Variants in APOB observed in about 807,000 individuals in gnomAD.
APOB encodes apolipoprotein B-100.
Under a neutral mutation model 314.1 loss-of-function variants are expected in APOB, and 153 were observed. The ratio of observed to expected loss-of-function variants is 0.49; its 90% CI spans 0.43 to 0.56. The LOEUF (loss-of-function observed/expected upper bound fraction) is 0.56, where lower values mean the gene tolerates loss of function less well. Ranked by LOEUF, APOB falls within the 20% of genes least tolerant of loss-of-function variation. The probability of loss-of-function intolerance (pLI) is 0.00; values close to 1 mark genes in which losing one functional copy is unlikely to be tolerated. For missense variants in APOB, 5,430 were observed against 5,350.7 expected (o/e 1.01, Z -0.46); for synonymous variants, 2,087 against 2,036.4 (o/e 1.02, Z -0.67).
Position 21,028,452 on chromosome 2 carries a change from A to T in APOB, c.1704T>A (p.Ser568Arg), listed in dbSNP as rs762218231. The T allele has an allele frequency of 1.2e-6, 2 of 1,613,952 alleles. No homozygotes were observed. The highest frequency in any genetic ancestry group is 2.2e-5 in the East Asian group (1 of 44,876). The stretch of plus-strand genomic sequence containing the variant: ...TTTTGTTAATATCTGCCTGTGAAGG[A>T]CTCCTCATCAACATAAGATAGGCAG... ...RLAAYLMLMR[S>R]PSQADINKIV... The change falls in exon 13 of 29, where the codon AGT (serine) becomes AGA (arginine). Residue 568 changes from serine to arginine, a missense_variant. Transcript: ENST00000233242.
At position 21,007,656 on chromosome 2, in the gene APOB, A is replaced by G; in HGVS notation, c.9212T>C (p.Leu3071Pro). ...ACTCAGAAACAGTGCATAGTTATTCAGGAAGTCTATCTTCCCTGTTAACCT... is the reference window on the plus strand; with the variant it reads ...ACTCAGAAACAGTGCATAGTTATTCGGGAAGTCTATCTTCCCTGTTAACCT... ...PLRLTGKIDF[L>P]NNYALFLSPS... The change falls in exon 26 of 29, where the codon CTG (leucine) becomes CCG (proline). Residue 3071 changes from leucine to proline, a missense_variant. Physicochemically the swap from Leu to Pro is moderately conservative, Grantham distance 98 (BLOSUM62 -3). This residue lies in a region of APOB where 3,281 missense variants were observed against 3,171.0 expected (regional missense o/e 1.03). Coordinates refer to ENST00000233242, the MANE Select transcript of APOB (RefSeq NM_000384.3). The G allele has an allele frequency of 6.2e-7, 1 of 1,614,096 alleles. No individual in the cohort carries two copies. The highest frequency in any genetic ancestry group is 8.5e-7 in the Non-Finnish European group (1 of 1,179,962).
intron 21 of APOB, 101 bp from the exon 22 acceptor site, chr2:21,015,646 C>T: frequency 7.8e-7 from 1 of 1,281,662 alleles, no homozygotes; most frequent in East Asian, 2.4e-5. Context: ...AAACCAGATA[C>T]AAGGATGGTT....
At position 21,001,766 on chromosome 2, in the gene APOB, C is replaced by T; in HGVS notation, c.13656G>A (p.Met4552Ile). 6.2e-7 allele frequency: 1 copy of T among 1,613,940 alleles called. No individual in the cohort carries two copies. The highest frequency in any genetic ancestry group is 8.5e-7 in the Non-Finnish European group (1 of 1,179,918). ...LQSTTVMNPY[M>I]KLAPGELTII... Reference sequence around the variant, plus strand: ...TAGTAAGTTCTCCTGGAGCAAGCTTCATGTAGGGGTTCATGACTGTGGTTG... The same window carrying T: ...TAGTAAGTTCTCCTGGAGCAAGCTTTATGTAGGGGTTCATGACTGTGGTTG... Residue 4552 changes from methionine (M) to isoleucine (I), a missense_variant, in exon 29 of 29, where the codon ATG becomes ATA. By Grantham distance (10) the Met-to-Ile change is conservative. Transcript: ENST00000233242.
rs765506837 is a variant in APOB at position 21,012,368 on chromosome 2, T to C, written c.4500A>G (p.Thr1500=). ...GATCCCTCTGACAAGACAGGCCATA[T>C]GTGCCTTTAGCATAGAACGAAGAGA... ...FRVSSFYAKG[T]YGLSCQRDPN... Residue 1500 remains threonine (T), a synonymous_variant, in exon 26 of 29, where the codon ACA becomes ACG. Transcript: ENST00000233242. 4 of 1,614,080 alleles carry C rather than the reference T, an allele frequency of 2.5e-6. No homozygotes were observed. The highest frequency in any genetic ancestry group is 3.4e-6 in the Non-Finnish European group (4 of 1,180,040).
Position 21,010,123 on chromosome 2 carries a change from T to C in APOB, c.6745A>G (p.Ile2249Val), listed in dbSNP as rs1355393405. 6.2e-7 allele frequency: 1 copy of C among 1,612,378 alleles called. No homozygotes were observed. Among genetic ancestry groups the C allele is most frequent in the South Asian group, 1.1e-5 (1 of 91,050 alleles). The change falls in exon 26 of 29, where the codon ATT becomes GTT. Residue 2249 changes from isoleucine (I) to valine (V), a missense_variant. Coordinates refer to ENST00000233242, the MANE Select transcript of APOB (RefSeq NM_000384.3). ...TGGTACTTAGTATCCACATTTTGAA[T>C]CCAGGATGCAGTACTACTTCCACTT... ...NKSGSSTASW[I>V]QNVDTKYQIR...
At chr2:21,021,348 G>A (rs933438606) in intron 18 of APOB, among the ~76,000 whole-genome samples, 2 of 152,122 alleles carry the variant, frequency 1.3e-5, no homozygotes, top group African/African-American at 4.8e-5. Flanking sequence ...TTTCTCCACT[G>A]CAGGCCATTA....
In APOB at chr2:21,028,477, G is replaced by A. The variant is rs749886609; in HGVS notation, c.1679C>T (p.Ala560Val). ...DDASPGDKRLAAYLMLMRSPS... is the reference protein window; with the variant it reads ...DDASPGDKRLVAYLMLMRSPS... Reference sequence around the variant, plus strand: ...ACTCCTCATCAACATAAGATAGGCAGCCAGTCGCTTATCTCCCGGAGAAGC... The same window carrying A: ...ACTCCTCATCAACATAAGATAGGCAACCAGTCGCTTATCTCCCGGAGAAGC... The change falls in exon 13 of 29, where the codon GCT (alanine) becomes GTT (valine). Residue 560 changes from alanine to valine, a missense_variant. Coordinates refer to ENST00000233242, the MANE Select transcript of APOB (RefSeq NM_000384.3). 2 of 1,613,956 alleles carry A rather than the reference G, an allele frequency of 1.2e-6. No individual in the cohort carries two copies. The highest frequency in any genetic ancestry group is 3.3e-5 in the Admixed American group (2 of 60,026).
chr2:21,019,145 T>C (rs1283952563), intron 19 of APOB, 32 bp from the exon 20 acceptor site: 5 of 1,613,690 alleles, frequency 3.1e-6, no homozygotes, highest in Admixed American at 1.7e-5. Context: ...CAGTGCATAA[T>C]GTTAGAGCTT....
At position 21,033,412 on chromosome 2, in the gene APOB, G is replaced by C; in HGVS notation, c.1011C>G (p.Ile337Met). The C allele has an allele frequency of 1.2e-6, 2 of 1,614,196 alleles. No individual in the cohort carries two copies. The highest frequency in any genetic ancestry group is 1.7e-6 in the Non-Finnish European group (2 of 1,180,032). The change falls in exon 9 of 29, where the codon ATC becomes ATG. Residue 337 changes from isoleucine (I) to methionine (M), a missense_variant. Ile to Met is a conservative substitution (Grantham distance 10). Around this residue, in one of 3 missense-constraint regions of APOB, gnomAD observed 2,085 missense variants for 2,079.7 expected, o/e 1.00. Coordinates refer to ENST00000233242, the MANE Select transcript of APOB (RefSeq NM_000384.3). ...TAGCTCTCTGGATATTTTGCTCAGAGATGGTTAGTTTTTTCAGTTCCTGGA... is the reference window on the plus strand; with the variant it reads ...TAGCTCTCTGGATATTTTGCTCAGACATGGTTAGTTTTTTCAGTTCCTGGA... ...KTLQELKKLT[I>M]SEQNIQRANL...
In APOB at chr2:21,027,897, G is replaced by A. The variant is rs1572795820; in HGVS notation, c.1998C>T (p.Tyr666=). 1.2e-6 allele frequency: 2 copies of A among 1,614,138 alleles called. No individual in the cohort carries two copies. The highest frequency in any genetic ancestry group is 1.3e-5 in the African/African-American group (1 of 75,030). Residue 666 remains tyrosine (Y), a synonymous_variant, in exon 14 of 29, where the codon TAC becomes TAT. Coordinates refer to ENST00000233242, the MANE Select transcript of APOB (RefSeq NM_000384.3). Reference sequence around the variant, plus strand: ...TTTTCAGCATGCTTTCTTTAGGAAGGTAGTTATTTGGATCAAATATAAGAT... The same window carrying A: ...TTTTCAGCATGCTTTCTTTAGGAAGATAGTTATTTGGATCAAATATAAGAT... ...EGNLIFDPNN[Y]LPKESMLKTT... is the part of the protein sequence containing the mutation.
At chr2:21,020,892 G>T (rs1176947505) in intron 18 of APOB, among the ~76,000 whole-genome samples, 1 of 152,006 alleles carries the variant, frequency 6.6e-6, no homozygotes, top group Non-Finnish European at 1.5e-5. Context: ...CTGCTTCTCT[G>T]GTCACTTCTT....
At position 21,010,220 on chromosome 2, in the gene APOB, A is replaced by G. The variant is rs767243759; in HGVS notation, c.6648T>C (p.Tyr2216=). The G allele has an allele frequency of 6.3e-7, 1 of 1,579,754 alleles. No homozygotes were observed. The highest frequency in any genetic ancestry group is 8.6e-7 in the Non-Finnish European group (1 of 1,161,998). Residue 2216 remains tyrosine, a synonymous_variant, in exon 26 of 29, where the codon TAT becomes TAC. Transcript: ENST00000233242. ...IEKLKSLDEH[Y]HIRVNLVKTI... is the part of the protein sequence containing the mutation. The stretch of plus-strand genomic sequence containing the variant: ...TTTTTACTAAATTTACACGGATATG[A>G]TAGTGCTCATCAAGACTTTTTAATT...
At chr2:21,042,202 G>T (rs1040982853) in intron 3 of APOB, among the ~76,000 whole-genome samples, 159 bp downstream of exon 3, 1 of 152,192 alleles carries the variant, frequency 6.6e-6, no homozygotes, top group Non-Finnish European at 1.5e-5. Context: ...TACAAACAGA[G>T]GCAAAGTCCC....
chr2:21,034,154 G>A (rs1426986614), intron 8 of APOB, among the ~76,000 whole-genome samples: 1 of 152,162 alleles, frequency 6.6e-6, no homozygotes, highest in African/African-American at 2.4e-5. Context: ...AAGTCATCAT[G>A]GAAATGTGGT....
chr2:21,012,409 C>T lies in APOB; in HGVS notation c.4459G>A (p.Asp1487Asn). Residue 1487 changes from aspartate (D) to asparagine (N), a missense_variant, in exon 26 of 29, where the codon GAT becomes AAT. Transcript: ENST00000233242. ...AACGAAGAGACTCTGAACTGCCCAT[C>T]AATCTTGACTTCTTTGACAAACAAA... ...QHLFVKEVKIDGQFRVSSFYA... is the reference protein window; with the variant it reads ...QHLFVKEVKINGQFRVSSFYA... 2 of 1,614,178 alleles carry T rather than the reference C, an allele frequency of 1.2e-6. No individual in the cohort carries two copies. Among genetic ancestry groups the T allele is most frequent in the Non-Finnish European group, 1.7e-6 (2 of 1,180,034 alleles).
At chr2:21,035,229 G>A (rs988315106) in intron 7 of APOB, among the ~76,000 whole-genome samples, 1 of 152,138 alleles carries the variant, frequency 6.6e-6, no homozygotes, top group African/African-American at 2.4e-5. Flanking sequence ...TATATTCATT[G>A]ATTATCAGTT....
intron 8 of APOB, among the ~76,000 whole-genome samples, chr2:21,033,731 C>G (rs1663936624): frequency 6.6e-6 from 1 of 152,188 alleles, no homozygotes; most frequent in South Asian, 2.1e-4. Flanking sequence ...CATTATTGTT[C>G]AATTTAATGA....
At position 21,007,415 on chromosome 2, in the gene APOB, A is replaced by G. The variant is rs1248507962; in HGVS notation, c.9453T>C (p.Ser3151=). ...IITTPPLKDF[S]LWEKTGLKEF... is the part of the protein sequence containing the mutation. ...CCTTCAAGCCTGTTTTTTCCCATAG[A>G]GAGAAATCTTTCAGTGGAGGAGTTG... Residue 3151 remains serine (S), a synonymous_variant, in exon 26 of 29, where the codon TCT becomes TCC. Transcript: ENST00000233242. 1 of 1,613,946 alleles carries G rather than the reference A, an allele frequency of 6.2e-7. No individual in the cohort carries two copies. The highest frequency in any genetic ancestry group is 1.1e-5 in the South Asian group (1 of 91,076).
At position 21,001,858 on chromosome 2, in the gene APOB, C is replaced by A. The variant is rs767091894; in HGVS notation, c.13564G>T (p.Asp4522Tyr). ...GTGTGGTAGTTTTGAATGGACAGGTCAATCAATCTTTTGGATTCAGCAATA... is the reference window on the plus strand; with the variant it reads ...GTGTGGTAGTTTTGAATGGACAGGTAAATCAATCTTTTGGATTCAGCAATA... ...KFIAESKRLI[D>Y]LSIQNYHTFL... Residue 4522 changes from aspartate (D) to tyrosine (Y), a missense_variant, in exon 29 of 29, where the codon GAC becomes TAC. Physicochemically the swap from Asp to Tyr is radical, Grantham distance 160. Around this residue, in one of 3 missense-constraint regions of APOB, gnomAD observed 3,281 missense variants for 3,171.0 expected, o/e 1.03. Transcript: ENST00000233242. 1 of 1,613,972 alleles carries A rather than the reference C, an allele frequency of 6.2e-7. No individual in the cohort carries two copies. Among genetic ancestry groups the A allele is most frequent in the Non-Finnish European group, 8.5e-7 (1 of 1,179,950 alleles).
Sources: gnomAD v4.1 joint callset for allele counts (sites outside exome capture counted in the v4.1 genomes callset) on GRCh38, gnomAD v4.1.1 for gene constraint, gnomAD v4.1.1 regional missense constraint, MANE v1.5 for transcripts, NCBI Gene and HGNC (gene_info 2026-07-23, HGNC 2026-07-21) for gene names.